Variants in CRISPLD2 observed in about 807,000 individuals in gnomAD.
CRISPLD2 encodes cysteine rich secretory protein LCCL domain containing 2.
In CRISPLD2, 47 loss-of-function variants were observed where a neutral mutation model predicts 71.1. The ratio of observed to expected loss-of-function variants is 0.66; its 90% CI spans 0.52 to 0.84. The LOEUF (loss-of-function observed/expected upper bound fraction) is 0.84, where lower values mean the gene tolerates loss of function less well. CRISPLD2 is among the 40% of genes least tolerant of loss of function. The pLI, the probability that CRISPLD2 is intolerant of heterozygous loss-of-function variation, is 0.00. For synonymous variants in CRISPLD2, 317 were observed against 250.1 expected (o/e 1.27, Z -2.52); for missense variants, 830 against 651.1 (o/e 1.27, Z -2.99).
Position 84,882,372 on chromosome 16 carries a change from G to GAAATA in CRISPLD2, c.1305+1788_1305+1789insAAATA, listed in dbSNP as rs2071576487. On this transcript the variant is annotated intron_variant, in intron 13 of 14. Coordinates refer to ENST00000262424, the MANE Select transcript of CRISPLD2 (RefSeq NM_031476.4). Reference sequence around the variant, plus strand: ...CAAAAAAAAAAAAAAAAAAAAAAAAGCAAGAACTTAATGGATATTTGCAAC... The same window carrying GAAATA: ...CAAAAAAAAAAAAAAAAAAAAAAAAGAAATACAAGAACTTAATGGATATTTGCAAC... Among the ~76,000 whole-genome samples, 2 of 63,302 alleles carry GAAATA rather than the reference G, an allele frequency of 3.2e-5. 1 individual carries two copies. The highest frequency in any genetic ancestry group is 3.3e-4 in the Admixed American group (2 of 5,984). The allele number at this position is 63,302 out of a possible 152,430, so 41.5% of individuals were successfully genotyped here.
Position 84,854,682 on chromosome 16 carries a change from C to G in CRISPLD2, c.609-47C>G, listed in dbSNP as rs762230764. The G allele has an allele frequency of 1.7e-5, 24 of 1,433,598 alleles. 2 individuals carry two copies. The South Asian group carries it at 2.5e-4, about 15-fold the overall frequency. The allele number at this position is 1,433,598 out of a possible 1,614,324, so 88.8% of individuals were successfully genotyped here. A position where few individuals can be genotyped will look rare whatever the true frequency, so the allele number is the denominator to read the frequency against. On this transcript the variant is annotated intron_variant, in intron 5 of 14. Coordinates refer to ENST00000262424, the MANE Select transcript of CRISPLD2 (RefSeq NM_031476.4). ...CTTGGAAGAGGATCAGTCCCGAGGC[C>G]TCACGTCGTGGTTCCCTCTGACGGT...
intron 11 of CRISPLD2, among the ~76,000 whole-genome samples, 159 bp from the exon 12 acceptor site, chr16:84,877,279 C>T (rs889120082): frequency 5.3e-5 from 8 of 152,156 alleles, no homozygotes; most frequent in Non-Finnish European, 8.8e-5. Context: ...AGTGCCCCTA[C>T]GTGGGGTACG....
At chr16:84,846,293 T>C (rs1404333816) in intron 3 of CRISPLD2, 3 of 158,578 alleles carry the variant, frequency 1.9e-5, no homozygotes, top group African/African-American at 7.6e-5. Context: ...TATTCTGTCA[T>C]CCAGGATGGA....
intron 2 of CRISPLD2, chr16:84,839,250 C>T (rs1916708672): frequency 1.0e-5 from 3 of 298,674 alleles, no homozygotes; most frequent in Admixed American, 4.8e-5. Flanking sequence ...GAGCCTGCCT[C>T]GTTGCCTTCA....
At chr16:84,873,512 A>C (rs1381799512) in intron 10 of CRISPLD2, 2,270 of 162,490 alleles carry the variant, frequency 0.014, 79 homozygotes, top group Middle Eastern at 0.028. Context: ...ACAACAAAAA[A>C]AAAAACAAAA....
intron 1 of CRISPLD2, among the ~76,000 whole-genome samples, chr16:84,826,158 T>C (rs1326699451): frequency 6.6e-6 from 1 of 152,136 alleles, no homozygotes; most frequent in Non-Finnish European, 1.5e-5. Context: ...GAGGGCTGGC[T>C]ACTGGGGTCA....
chr16:84,849,598 T>G, intron 4 of CRISPLD2, 81 bp downstream of exon 4: 1 of 1,161,714 alleles, frequency 8.6e-7, no homozygotes. Context: ...GATTGTCAAA[T>G]CTGTAAAGCC....
intron 8 of CRISPLD2, among the ~76,000 whole-genome samples, chr16:84,871,217 C>T (rs1316852821): frequency 6.6e-6 from 1 of 152,134 alleles, no homozygotes; most frequent in Admixed American, 6.5e-5. Context: ...GAGTGATTTA[C>T]ACTTCCATGA....
At chr16:84,868,933 C>A (rs1917616976) in intron 8 of CRISPLD2, 22 bp downstream of exon 8, 3 of 1,523,172 alleles carry the variant, frequency 2.0e-6, no homozygotes, top group South Asian at 2.4e-5. Flanking sequence ...CTGGGCTGTC[C>A]TGCCACTGTA....
In CRISPLD2 at chr16:84,907,262, C is replaced by T. The variant is rs2071811628; in HGVS notation, c.*620C>T. On this transcript the variant is annotated 3_prime_UTR_variant, in exon 15 of 15. Transcript: ENST00000262424. ...GCACGTGTCCTTGCTGGCGGCCCGC[C>T]ACAGGCCCCCTTCAATGGCCGCATT... The T allele has an allele frequency of 6.2e-6, 1 of 161,796 alleles. No homozygotes were observed. Among genetic ancestry groups the T allele is most frequent in the Non-Finnish European group, 1.3e-5 (1 of 74,548 alleles). The allele number at this position is 161,796 out of a possible 1,614,324, so 10.0% of individuals were successfully genotyped here. A position where few individuals can be genotyped will look rare whatever the true frequency, so the allele number is the denominator to read the frequency against.
At chr16:84,847,871 T>A (rs17766576) in intron 3 of CRISPLD2, among the ~76,000 whole-genome samples, 52,111 of 152,064 alleles carry the variant, frequency 0.34, 9,838 homozygotes, top group East Asian at 0.51. Context: ...TTTTCAGTGA[T>A]ACAGTTGTCA....
At chr16:84,878,992 C>A (rs553867919) in intron 12 of CRISPLD2, among the ~76,000 whole-genome samples, 246 of 152,298 alleles carry the variant, frequency 1.6e-3, no homozygotes, top group Middle Eastern at 3.4e-3. Flanking sequence ...TCATCCTGGG[C>A]TGGAGACCTG....
intron 11 of CRISPLD2, among the ~76,000 whole-genome samples, chr16:84,876,132 C>G (rs1274763133): frequency 1.3e-5 from 2 of 152,224 alleles, no homozygotes; most frequent in Non-Finnish European, 2.9e-5. Flanking sequence ...TCTGCTACAA[C>G]AGCAGAGTTG....
At chr16:84,836,985 C>G (rs1165117451) in intron 1 of CRISPLD2, among the ~76,000 whole-genome samples, 2 of 152,200 alleles carry the variant, frequency 1.3e-5, no homozygotes, top group African/African-American at 4.8e-5. Context: ...TGCGGGTTTC[C>G]TCCTCCATCT....
intron 12 of CRISPLD2, 63 bp downstream of exon 12, chr16:84,877,573 G>A: frequency 6.6e-7 from 1 of 1,523,956 alleles, no homozygotes; most frequent in Non-Finnish European, 9.1e-7. Flanking sequence ...TTTTAGGCTG[G>A]GTGAGGTGGC....
chr16:84,891,480 G>A (rs2071662435), intron 14 of CRISPLD2, among the ~76,000 whole-genome samples: 1 of 152,202 alleles, frequency 6.6e-6, no homozygotes, highest in Non-Finnish European at 1.5e-5. Flanking sequence ...TTCAGCACGT[G>A]CGGCCTTTGA....
At chr16:84,822,035 C>G (rs1201128683) in intron 1 of CRISPLD2, among the ~76,000 whole-genome samples, 1 of 152,232 alleles carries the variant, frequency 6.6e-6, no homozygotes, top group Non-Finnish European at 1.5e-5. Context: ...ACTGTCCCAG[C>G]AGAGCTTGCT....
intron 6 of CRISPLD2, among the ~76,000 whole-genome samples, chr16:84,865,305 G>A (rs576161364): frequency 2.3e-4 from 35 of 152,140 alleles, no homozygotes; most frequent in African/African-American, 4.8e-4. Flanking sequence ...ACAGGCACCC[G>A]CCATCATGCC....
At chr16:84,846,184 T>C in intron 3 of CRISPLD2, 1 of 262,474 alleles carries the variant, frequency 3.8e-6, no homozygotes, top group Non-Finnish European at 7.2e-6. Flanking sequence ...CCTTCTTCCT[T>C]TCCTTCCTTC....
Sources: allele counts gnomAD v4.1 joint callset (sites outside exome capture counted in the v4.1 genomes callset), GRCh38; gene constraint gnomAD v4.1.1; transcripts MANE v1.5; gene names NCBI Gene and HGNC (gene_info 2026-07-23, HGNC 2026-07-21).